Variants in CAMK4 observed in about 807,000 individuals in gnomAD.
CAMK4 encodes the protein calcium/calmodulin-dependent protein kinase type IV.
In CAMK4, 22 loss-of-function variants were observed where a neutral mutation model predicts 44.9. The ratio of observed to expected loss-of-function variants is 0.49; its 90% CI spans 0.35 to 0.70. CAMK4 has a LOEUF of 0.70. Ranked by LOEUF, CAMK4 falls within the 30% of genes least tolerant of loss-of-function variation. The pLI, the probability that CAMK4 is intolerant of heterozygous loss-of-function variation, is 0.01. For missense variants in CAMK4, 498 were observed against 586.8 expected, an observed-to-expected ratio of 0.85 and a Z score of 1.56; for synonymous variants, 218 against 215.4, an observed-to-expected ratio of 1.01 and a Z score of -0.11.
In CAMK4 at chr5:111,224,682, G is replaced by A; in HGVS notation, c.161+38G>A. Reference sequence around the variant, plus strand: ...CTCCGGCTGGGGAAGCCCGCGGCGTGCACTGGGGGTTGTCCCTCTCGCAGC... The same window carrying A: ...CTCCGGCTGGGGAAGCCCGCGGCGTACACTGGGGGTTGTCCCTCTCGCAGC... On this transcript the variant is annotated intron_variant, in intron 1 of 10. Coordinates refer to ENST00000282356, the MANE Select transcript of CAMK4 (RefSeq NM_001744.6). This position sits in a 1 kb window ranked among gnomAD's most constrained non-coding sequence, Gnocchi z 5.7. 6.3e-7 allele frequency: 1 copy of A among 1,581,310 alleles called. No homozygotes were observed. The highest frequency in any genetic ancestry group is 8.6e-7 in the Non-Finnish European group (1 of 1,163,606).
intron 2 of CAMK4, among the ~76,000 whole-genome samples, chr5:111,346,015 G>T (rs556792741): frequency 3.3e-5 from 5 of 152,052 alleles, no homozygotes; most frequent in African/African-American, 9.6e-5. Flanking sequence ...ATGTGAATTA[G>T]ATAGAATCCC....
At chr5:111,431,715 T>C (rs1354240006) in intron 5 of CAMK4, among the ~76,000 whole-genome samples, 4 of 152,106 alleles carry the variant, frequency 2.6e-5, no homozygotes, top group Admixed American at 2.6e-4. Flanking sequence ...TGAATAGACA[T>C]TTCTCAAAAG....
intron 1 of CAMK4, among the ~76,000 whole-genome samples, chr5:111,246,075 G>C (rs575147191): frequency 6.6e-6 from 1 of 152,270 alleles, no homozygotes; most frequent in Admixed American, 6.5e-5. Flanking sequence ...GAAATTGAAA[G>C]CTATATTTTA....
intron 5 of CAMK4, among the ~76,000 whole-genome samples, chr5:111,398,360 G>T (rs1237439311): frequency 6.6e-6 from 1 of 152,186 alleles, no homozygotes; most frequent in Non-Finnish European, 1.5e-5. Context: ...GGCTGGCCAG[G>T]ACTGGGGATA....
chr5:111,275,161 G>A (rs1187955756), intron 1 of CAMK4, among the ~76,000 whole-genome samples: 2 of 152,028 alleles, frequency 1.3e-5, no homozygotes, highest in Admixed American at 1.3e-4. Flanking sequence ...CTTCTTAGCA[G>A]TTTTGAAATA....
intron 1 of CAMK4, among the ~76,000 whole-genome samples, chr5:111,317,324 A>C (rs1192565654): frequency 1.3e-5 from 2 of 152,150 alleles, no homozygotes; most frequent in Non-Finnish European, 2.9e-5. Context: ...AGTTAGATCT[A>C]TATAGTGAAC....
At position 111,469,466 on chromosome 5, in the gene CAMK4, A is replaced by G. The variant is rs557074624; in HGVS notation, c.626-3845A>G. On this transcript the variant is annotated intron_variant, in intron 7 of 10. Coordinates refer to ENST00000282356, the MANE Select transcript of CAMK4 (RefSeq NM_001744.6). ...TAAATTGCCTTTGGAGAGTAAGGTTACACCCAGTGCTGCGACAGATCAGAA... is the reference window on the plus strand; with the variant it reads ...TAAATTGCCTTTGGAGAGTAAGGTTGCACCCAGTGCTGCGACAGATCAGAA... Among the ~76,000 whole-genome samples the G allele has an allele frequency of 2.6e-5, 4 of 152,100 alleles. No individual in the cohort carries two copies. The South Asian group carries it at 8.4e-4, about 32-fold the overall frequency.
chr5:111,384,303 G>A lies in CAMK4; in HGVS notation c.386+7361G>A, dbSNP rs142688218. Among the ~76,000 whole-genome samples, 3 of 152,178 alleles carry A rather than the reference G, an allele frequency of 2.0e-5. No homozygotes were observed. The East Asian group carries it at 5.8e-4, about 29-fold the overall frequency. On this transcript the variant is annotated intron_variant, in intron 4 of 10. Coordinates refer to ENST00000282356, the MANE Select transcript of CAMK4 (RefSeq NM_001744.6). ...TCCTTCATATCATTCATGGAGTTTT[G>A]GACAGCGTCTCTTTTTCTCTTGGCT...
chr5:111,258,916 G>A (rs1370214140), intron 1 of CAMK4, among the ~76,000 whole-genome samples: 1 of 152,072 alleles, frequency 6.6e-6, no homozygotes, highest in African/African-American at 2.4e-5. Flanking sequence ...GTATGTCAAA[G>A]AGAACCTAGG....
chr5:111,355,081 G>A (rs1196025567), intron 2 of CAMK4, among the ~76,000 whole-genome samples: 4 of 152,126 alleles, frequency 2.6e-5, no homozygotes, highest in Non-Finnish European at 5.9e-5. Flanking sequence ...CTTGGTCAGT[G>A]ATGGATAAGA....
At chr5:111,440,392 C>G (rs537755649) in intron 5 of CAMK4, among the ~76,000 whole-genome samples, 1 of 152,194 alleles carries the variant, frequency 6.6e-6, no homozygotes, top group African/African-American at 2.4e-5. Flanking sequence ...TTTTTTGTTA[C>G]GTAGTTGACA....
At chr5:111,324,988 G>A (rs934701442) in intron 1 of CAMK4, among the ~76,000 whole-genome samples, 14 of 151,536 alleles carry the variant, frequency 9.2e-5, no homozygotes, top group East Asian at 2.0e-4. Context: ...TTCCTAATGC[G>A]CTCCCTCCCC....
At chr5:111,354,456 A>AAC (rs1364489888) in intron 2 of CAMK4, among the ~76,000 whole-genome samples, 1 of 151,876 alleles carries the variant, frequency 6.6e-6, no homozygotes, top group African/African-American at 2.4e-5. Context: ...AAAAAAAAAA[A>AAC]AACTACGTGA....
intron 1 of CAMK4, among the ~76,000 whole-genome samples, chr5:111,340,448 A>G (rs1051699359): frequency 4.0e-5 from 6 of 151,376 alleles, no homozygotes; most frequent in Admixed American, 2.6e-4. Flanking sequence ...ATTTTGTCAA[A>G]TGCTTTTTCT....
At chr5:111,271,493 C>A (rs1750516794) in intron 1 of CAMK4, among the ~76,000 whole-genome samples, 7 of 152,094 alleles carry the variant, frequency 4.6e-5, no homozygotes, top group Admixed American at 3.9e-4. Context: ...CACCATGATT[C>A]TTCTACTATA....
intron 1 of CAMK4, among the ~76,000 whole-genome samples, chr5:111,257,650 A>G (rs1374342079): frequency 1.3e-5 from 2 of 152,232 alleles, no homozygotes; most frequent in African/African-American, 4.8e-5. Context: ...TACTGGATAT[A>G]TACCCAAAGG....
In CAMK4 at chr5:111,484,625, G is replaced by A. The variant is rs1390222160; in HGVS notation, c.*159G>A. On this transcript the variant is annotated 3_prime_UTR_variant, in exon 11 of 11. Transcript: ENST00000282356. The surrounding 1 kb of genome is among the most constrained non-coding windows in gnomAD (Gnocchi z 5.3). ...GTTGGTAATTCTAACTTCAATGCAT[G>A]TGACTGCTTTATGAAAATAATAGTG... 6.9e-6 allele frequency: 3 copies of A among 432,930 alleles called. No homozygotes were observed. The highest frequency in any genetic ancestry group is 1.2e-5 in the Non-Finnish European group (3 of 250,128). 26.8% of individuals were successfully genotyped at this position (432,930 alleles called of 1,614,324 possible).
Position 111,473,299 on chromosome 5 carries a change from C to A in CAMK4, c.626-12C>A. On this transcript the variant is annotated splice_polypyrimidine_tract_variant and intron_variant, in intron 7 of 10. Transcript: ENST00000282356. ...AAGCTCTAATTTAACACAATTTTCA[C>A]TTTTTCTGCAGCACCTGAAATTCTT... is the stretch of plus-strand genomic sequence containing the variant. 1 of 1,591,758 alleles carries A rather than the reference C, an allele frequency of 6.3e-7. No homozygotes were observed. The highest frequency in any genetic ancestry group is 8.6e-7 in the Non-Finnish European group (1 of 1,160,512).
At chr5:111,339,884 G>T (rs753443976) in intron 1 of CAMK4, among the ~76,000 whole-genome samples, 3 of 150,522 alleles carry the variant, frequency 2.0e-5, no homozygotes, top group African/African-American at 4.9e-5. Flanking sequence ...TTTTTTTGTG[G>T]TTTCTTCAAT....
Sources: allele counts gnomAD v4.1 joint callset (sites outside exome capture counted in the v4.1 genomes callset), GRCh38; gene constraint gnomAD v4.1.1; non-coding constraint Gnocchi (gnomAD v3.1); transcripts MANE v1.5; gene names NCBI Gene and HGNC (gene_info 2026-07-23, HGNC 2026-07-21).